The following CSMD3 variants were observed in gnomAD, a reference collection of about 807,000 sequenced individuals.
The protein encoded by CSMD3 is CUB and sushi domain-containing protein 3.
CSMD3 carries 177 observed loss-of-function variants against 435.2 expected under a neutral mutation model. That is an observed-to-expected ratio of 0.41 (90% CI 0.36 to 0.46). The LOEUF is 0.46. CSMD3 is among the 20% of genes least tolerant of loss of function. CSMD3 has a pLI of 0.34. For missense variants in CSMD3, 4,265 were observed against 4,504.6 expected, an observed-to-expected ratio of 0.95 and a Z score of 1.52; for synonymous variants, 1,656 against 1,520.5, an observed-to-expected ratio of 1.09 and a Z score of -2.07.
chr8:113,271,567 TG>T (rs1346921987), intron 3 of CSMD3, among the ~76,000 whole-genome samples: 1 of 152,146 alleles, frequency 6.6e-6, no homozygotes, highest in Non-Finnish European at 1.5e-5. Context: ...AATTAAGATT[TG>T]GGGACCTCCA....
chr8:112,484,477 A>C (rs1453212497), intron 31 of CSMD3, among the ~76,000 whole-genome samples: 3 of 151,784 alleles, frequency 2.0e-5, no homozygotes, highest in Admixed American at 6.6e-5. Context: ...ATAATTACTA[A>C]GTTGATTCAA....
Position 113,267,281 on chromosome 8 carries a change from A to G in CSMD3, c.514+11311T>C, listed in dbSNP as rs188280210. The stretch of plus-strand genomic sequence containing the variant: ...TACAGAAAGAAAAAGAAATCAATAT[A>G]TCAAAGGAATTCCTGCACTAACATG... On this transcript the variant is annotated intron_variant, in intron 3 of 70. Transcript: ENST00000297405. 2.0e-5 allele frequency among the ~76,000 whole-genome samples: 3 copies of G among 151,810 alleles called. No individual in the cohort carries two copies. In the East Asian group the frequency reaches 5.8e-4, roughly 29 times the overall value.
intron 5 of CSMD3, among the ~76,000 whole-genome samples, chr8:113,055,696 T>A (rs907304936): frequency 1.3e-5 from 2 of 152,272 alleles, no homozygotes; most frequent in East Asian, 3.9e-4. Flanking sequence ...TCTTTAAGTT[T>A]TAAGTTCAAG....
chr8:113,076,300 T>C (rs1220400625), intron 5 of CSMD3, among the ~76,000 whole-genome samples: 1 of 151,838 alleles, frequency 6.6e-6, no homozygotes, highest in East Asian at 1.9e-4. Flanking sequence ...TTGTTCATAA[T>C]ACATCTTTTG....
At chr8:113,120,143 T>C (rs1178617097) in intron 4 of CSMD3, among the ~76,000 whole-genome samples, 2 of 152,064 alleles carry the variant, frequency 1.3e-5, no homozygotes, top group Non-Finnish European at 2.9e-5. Context: ...AATGAGGTTA[T>C]AATGAATTCA....
At chr8:112,368,292 T>C (rs925974806) in intron 38 of CSMD3, among the ~76,000 whole-genome samples, 4 of 152,180 alleles carry the variant, frequency 2.6e-5, no homozygotes, top group African/African-American at 9.7e-5. Context: ...ATACAAGATA[T>C]TTTCATACTT....
intron 49 of CSMD3, among the ~76,000 whole-genome samples, chr8:112,313,607 G>T (rs920639434): frequency 6.6e-6 from 1 of 151,816 alleles, no homozygotes; most frequent in African/African-American, 2.4e-5. Flanking sequence ...GCTTTTTTAG[G>T]ATTTTTTAGT....
At chr8:113,279,843 G>T (rs2093600152) in intron 2 of CSMD3, among the ~76,000 whole-genome samples, 1 of 151,530 alleles carries the variant, frequency 6.6e-6, no homozygotes, top group Admixed American at 6.6e-5. Flanking sequence ...ATATTTATGT[G>T]CATAGTTATT....
chr8:113,080,155 G>A (rs1409152062), intron 5 of CSMD3, among the ~76,000 whole-genome samples: 2 of 152,050 alleles, frequency 1.3e-5, no homozygotes, highest in South Asian at 2.1e-4. Context: ...ATGAGTAGAT[G>A]GTTTTCAGCA....
chr8:113,059,033 T>G (rs549151358), intron 5 of CSMD3, among the ~76,000 whole-genome samples: 18 of 152,208 alleles, frequency 1.2e-4, no homozygotes, highest in African/African-American at 4.3e-4. Flanking sequence ...ATTTATTCAA[T>G]AAATTACATA....
chr8:113,022,302 C>T (rs10094069), intron 5 of CSMD3, among the ~76,000 whole-genome samples: 90,826 of 151,884 alleles, frequency 0.6, 28,594 homozygotes, highest in East Asian at 0.95. Context: ...TAAGCAAATT[C>T]TAGCATAAAG....
At chr8:112,595,179 T>C (rs1407702548) in intron 22 of CSMD3, among the ~76,000 whole-genome samples, 1 of 149,772 alleles carries the variant, frequency 6.7e-6, no homozygotes, top group Non-Finnish European at 1.5e-5. Flanking sequence ...AAGGAGCTGA[T>C]GGAGCTGAAA....
chr8:112,403,746 G>T (rs1390490614), intron 35 of CSMD3, among the ~76,000 whole-genome samples: 1 of 152,010 alleles, frequency 6.6e-6, no homozygotes, highest in African/African-American at 2.4e-5. Context: ...TTCAACATAA[G>T]AATCTGTGTG....
intron 1 of CSMD3, among the ~76,000 whole-genome samples, chr8:113,374,849 C>CAAAAAAAAAAAAAAAAAAAAAA (rs1251115132): frequency 1.4e-4 from 3 of 21,010 alleles, no homozygotes; most frequent in African/African-American, 3.7e-4. Context: ...AAAAAAAAAC[C>CAAAAAAAAAAAAAAAAAAAAAA]AATAAAATGA....
chr8:112,841,085 T>C (rs1006596909), intron 11 of CSMD3, among the ~76,000 whole-genome samples: 45 of 151,686 alleles, frequency 3.0e-4, no homozygotes, highest in African/African-American at 9.7e-4. Context: ...GTGGTGGAGG[T>C]GTTCAGTGAT....
rs2083987818 is a variant in CSMD3, at chr8:112,955,627, A to T, written c.1343-866T>A. Among the ~76,000 whole-genome samples the T allele has an allele frequency of 2.0e-5, 3 of 151,702 alleles. No homozygotes were observed. The South Asian group carries it at 6.2e-4, about 31-fold the overall frequency. ...TTATGTCTTCTTATCCTTCTATCTT[A>T]CTGTATGTAATTTTGTCCCCATTGA... On this transcript the variant is annotated intron_variant, in intron 7 of 70. Coordinates refer to ENST00000297405, the MANE Select transcript of CSMD3 (RefSeq NM_198123.2).
chr8:112,905,308 A>G (rs868527529), intron 10 of CSMD3, among the ~76,000 whole-genome samples: 5 of 44,568 alleles, frequency 1.1e-4, no homozygotes, highest in African/African-American at 1.6e-4. Flanking sequence ...TACTATGTGT[A>G]TATATATATA....
Position 112,237,318 on chromosome 8 carries a change from A to G in CSMD3, c.10499T>C (p.Ile3500Thr), listed in dbSNP as rs750431006. The G allele has an allele frequency of 1.9e-6, 3 of 1,612,822 alleles. No individual in the cohort carries two copies. Among genetic ancestry groups the G allele is most frequent in the Admixed American group, 3.3e-5 (2 of 59,992 alleles). The change falls in exon 67 of 71, where the codon ATA becomes ACA. Residue 3500 changes from isoleucine (I) to threonine (T), a missense_variant. Transcript: ENST00000297405. ...TTTGAAATTGTAAGAGCCTTTCCAT[A>G]TATAATTTTGGGCAAATACATCATC... ...VPDDVFAQNY[I>T]WKGSYNFKGR...
intron 32 of CSMD3, among the ~76,000 whole-genome samples, chr8:112,439,540 C>CA (rs1814752418): frequency 6.6e-6 from 1 of 152,020 alleles, no homozygotes; most frequent in Non-Finnish European, 1.5e-5. Flanking sequence ...CCTTTGTATA[C>CA]AAAAATACAA....
Sources: gnomAD v4.1 joint callset for allele counts (sites outside exome capture counted in the v4.1 genomes callset) on GRCh38, gnomAD v4.1.1 for gene constraint, MANE v1.5 for transcripts, NCBI Gene and HGNC (gene_info 2026-07-23, HGNC 2026-07-21) for gene names.